Variants in GALNT10 observed in about 807,000 individuals in gnomAD.
GALNT10 encodes polypeptide N-acetylgalactosaminyltransferase 10, also known as GalNAc transferase 10.
In GALNT10, 41 loss-of-function variants were observed where a neutral mutation model predicts 75.0. The ratio of observed to expected loss-of-function variants is 0.55; its 90% CI spans 0.43 to 0.71. The LOEUF (loss-of-function observed/expected upper bound fraction) is 0.71, where lower values mean the gene tolerates loss of function less well. Ranked by LOEUF, GALNT10 falls within the 30% of genes least tolerant of loss-of-function variation. GALNT10 has a pLI of 0.00. For synonymous variants in GALNT10, 302 were observed against 313.0 expected (o/e 0.96, Z 0.37); for missense variants, 727 against 818.5 (o/e 0.89, Z 1.36).
chr5:154,347,059 A>G (rs878992619), intron 4 of GALNT10: 1 of 436,140 alleles, frequency 2.3e-6, no homozygotes, highest in South Asian at 1.7e-5. Flanking sequence ...TTAAACCATC[A>G]TTAATAATAA....
intron 1 of GALNT10, among the ~76,000 whole-genome samples, chr5:154,238,614 G>A (rs1052294200): frequency 5.3e-5 from 8 of 152,112 alleles, no homozygotes; most frequent in African/African-American, 1.4e-4. Flanking sequence ...GCGGTGCTTC[G>A]AAGAACTCCA....
At chr5:154,329,842 A>C in intron 4 of GALNT10, 104 bp downstream of exon 4, 1 of 728,056 alleles carries the variant, frequency 1.4e-6, no homozygotes, top group South Asian at 1.8e-5. Flanking sequence ...CATATAGGCC[A>C]TCATTGGCTA....
intron 1 of GALNT10, among the ~76,000 whole-genome samples, chr5:154,281,026 G>A (rs1754031924): frequency 6.6e-6 from 1 of 152,160 alleles, no homozygotes; most frequent in African/African-American, 2.4e-5. Flanking sequence ...GGAGTGCCTT[G>A]AAATTAGGAC....
chr5:154,276,911 G>A (rs1753961441), intron 1 of GALNT10, among the ~76,000 whole-genome samples: 1 of 152,098 alleles, frequency 6.6e-6, no homozygotes, highest in Non-Finnish European at 1.5e-5. Context: ...AATGAGGTGG[G>A]AGGACAAGAT....
At chr5:154,306,755 G>A (rs1754440607) in intron 3 of GALNT10, among the ~76,000 whole-genome samples, 1 of 151,944 alleles carries the variant, frequency 6.6e-6, no homozygotes, top group Non-Finnish European at 1.5e-5. Flanking sequence ...AAAAAACTTA[G>A]GAGAAATTTA....
At chr5:154,238,901 G>A (rs1218001177) in intron 1 of GALNT10, among the ~76,000 whole-genome samples, 1 of 152,144 alleles carries the variant, frequency 6.6e-6, no homozygotes, top group African/African-American at 2.4e-5. Context: ...GGCAAACTTT[G>A]TATTTGATTC....
rs1279192408 is a variant in GALNT10 at position 154,416,170 on chromosome 5, T to C, written c.1653+238T>C. On this transcript the variant is annotated intron_variant, in intron 11 of 11. Coordinates refer to ENST00000297107, the MANE Select transcript of GALNT10 (RefSeq NM_198321.4). This position sits in a 1 kb window ranked among gnomAD's most constrained non-coding sequence, Gnocchi z 4.5. ...AAAAGAAAAGTGCAGCCGGGCACAG[T>C]GGCTCATGCCTGTAATCCCAGCACT... Among the ~76,000 whole-genome samples the C allele has an allele frequency of 6.6e-6, 1 of 152,194 alleles. No homozygotes were observed. The highest frequency in any genetic ancestry group is 1.5e-5 in the Non-Finnish European group (1 of 68,042).
chr5:154,279,432 T>A (rs1261995867), intron 1 of GALNT10, among the ~76,000 whole-genome samples: 1 of 151,854 alleles, frequency 6.6e-6, no homozygotes, highest in African/African-American at 2.4e-5. Context: ...GCCTCCCAAG[T>A]AGCTGGGAGT....
At chr5:154,223,690 C>T (rs1413305557) in intron 1 of GALNT10, among the ~76,000 whole-genome samples, 3 of 151,948 alleles carry the variant, frequency 2.0e-5, no homozygotes, top group Admixed American at 6.6e-5. Flanking sequence ...GAGGCTGAGG[C>T]GGGTGGATCA....
intron 1 of GALNT10, among the ~76,000 whole-genome samples, chr5:154,236,888 C>G (rs532821967): frequency 6.6e-6 from 1 of 152,294 alleles, no homozygotes; most frequent in South Asian, 2.1e-4. Context: ...TTTCCACATA[C>G]CACAGTTGGA....
chr5:154,214,944 G>T (rs1210548125), intron 1 of GALNT10, among the ~76,000 whole-genome samples: 2 of 152,202 alleles, frequency 1.3e-5, no homozygotes, highest in Non-Finnish European at 2.9e-5. Context: ...TGGCTATGTT[G>T]CAGGGCTGTG....
intron 1 of GALNT10, among the ~76,000 whole-genome samples, chr5:154,241,960 A>G (rs914739385): frequency 1.3e-5 from 2 of 152,216 alleles, no homozygotes; most frequent in South Asian, 4.1e-4. Flanking sequence ...GAGTTTGGGA[A>G]CAGGCTTCTT....
intron 1 of GALNT10, among the ~76,000 whole-genome samples, chr5:154,207,841 G>A (rs574380177): frequency 6.6e-6 from 1 of 152,308 alleles, no homozygotes; most frequent in East Asian, 1.9e-4. Flanking sequence ...TTAGGGCCAG[G>A]TCATGAGCTA....
chr5:154,409,593 A>G lies in GALNT10; in HGVS notation c.1217A>G (p.Tyr406Cys). ...ATGGATGAGTACGCAGAGTACATTT[A>G]CCAGCGCCGGCCTGAATACCGCCAC... ...VWMDEYAEYIYQRRPEYRHLS... is the reference protein window; with the variant it reads ...VWMDEYAEYICQRRPEYRHLS... The change falls in exon 9 of 12, where the codon TAC (tyrosine) becomes TGC (cysteine). Residue 406 changes from tyrosine (Y) to cysteine (C), a missense_variant. Tyr to Cys is a radical substitution (Grantham distance 194). Coordinates refer to ENST00000297107, the MANE Select transcript of GALNT10 (RefSeq NM_198321.4). This position sits in a 1 kb window ranked among gnomAD's most constrained non-coding sequence, Gnocchi z 4.5. The G allele has an allele frequency of 6.2e-7, 1 of 1,614,060 alleles. No individual in the cohort carries two copies. The highest frequency in any genetic ancestry group is 2.2e-5 in the East Asian group (1 of 44,884).
At chr5:154,407,986 G>T (rs540634244) in intron 8 of GALNT10, among the ~76,000 whole-genome samples, 1 of 152,142 alleles carries the variant, frequency 6.6e-6, no homozygotes, top group African/African-American at 2.4e-5. Context: ...GCCTGTTTTT[G>T]TATGGCCTGT....
intron 1 of GALNT10, among the ~76,000 whole-genome samples, chr5:154,201,567 A>G (rs759092817): frequency 6.6e-6 from 1 of 152,114 alleles, no homozygotes; most frequent in Non-Finnish European, 1.5e-5. Flanking sequence ...ACCCTGTCTA[A>G]TAAAGTTTTG....
chr5:154,259,016 G>A (rs1322213150), intron 1 of GALNT10, among the ~76,000 whole-genome samples: 1 of 152,046 alleles, frequency 6.6e-6, no homozygotes, highest in Non-Finnish European at 1.5e-5. Context: ...TCCTACATAA[G>A]CATAGTTTAA....
chr5:154,231,222 G>T (rs1216610974), intron 1 of GALNT10, among the ~76,000 whole-genome samples: 3 of 152,186 alleles, frequency 2.0e-5, no homozygotes, highest in Admixed American at 6.5e-5. Context: ...ATCCTGAGTG[G>T]ACATCTTTCC....
chr5:154,320,790 G>A (rs1298824366), intron 3 of GALNT10, among the ~76,000 whole-genome samples: 2 of 152,196 alleles, frequency 1.3e-5, no homozygotes, highest in African/African-American at 4.8e-5. Context: ...AAGAGAGGAT[G>A]TGAAGGAAGT....
Sources: allele counts gnomAD v4.1 joint callset (sites outside exome capture counted in the v4.1 genomes callset), GRCh38; gene constraint gnomAD v4.1.1; non-coding constraint Gnocchi (gnomAD v3.1); transcripts MANE v1.5; gene names NCBI Gene and HGNC (gene_info 2026-07-23, HGNC 2026-07-21).